CEP104: variants seen among roughly 807,000 people sequenced by gnomAD.
CEP104 encodes centrosomal protein 104.
Under a neutral mutation model 113.3 loss-of-function variants are expected in CEP104, and 84 were observed. The ratio of observed to expected loss-of-function variants is 0.74; its 90% confidence interval spans 0.62 to 0.89. The LOEUF is 0.89. Among genes scored for constraint, CEP104 ranks in the 40% least tolerant of loss-of-function variants. CEP104 has a pLI of 0.00. For synonymous variants in CEP104, 378 were observed against 421.7 expected, an observed-to-expected ratio of 0.90 and a Z score of 1.27; for missense variants, 1,053 against 1,156.6, an observed-to-expected ratio of 0.91 and a Z score of 1.30.
chr1:3,847,139 A>G (rs957332365), intron 4 of CEP104, among the ~76,000 whole-genome samples: 10 of 152,262 alleles, frequency 6.6e-5, no homozygotes, highest in Middle Eastern at 3.2e-3. Flanking sequence ...AGGTTAACAC[A>G]ACATATCCAA....
Position 3,823,649 on chromosome 1 carries a change from C to A in CEP104, c.2365-87G>T. The A allele has an allele frequency of 6.5e-7, 1 of 1,536,034 alleles. No individual in the cohort carries two copies. The highest frequency in any genetic ancestry group is 1.1e-5 in the South Asian group (1 of 87,572). ...CCTGCAGAGCCTGTGAGCGCCTCCCCTGCCCAGGGAGGTCTGTGCCGCCTG... is the reference window on the plus strand; with the variant it reads ...CCTGCAGAGCCTGTGAGCGCCTCCCATGCCCAGGGAGGTCTGTGCCGCCTG... On this transcript the variant is annotated intron_variant, in intron 18 of 21. Transcript: ENST00000378230. This position sits in a 1 kb window ranked among gnomAD's most constrained non-coding sequence, Gnocchi z 4.1.
At chr1:3,832,142 CAT>C (rs555386358) in intron 12 of CEP104, among the ~76,000 whole-genome samples, 79 of 152,358 alleles carry the variant, frequency 5.2e-4, no homozygotes, top group African/African-American at 1.8e-3. Flanking sequence ...GAAGCAATAA[CAT>C]GTGCTCATTT....
In CEP104 at chr1:3,839,087, C is replaced by T; in HGVS notation, c.768G>A (p.Glu256=). 6.2e-7 allele frequency: 1 copy of T among 1,614,038 alleles called. No individual in the cohort carries two copies. Among genetic ancestry groups the T allele is most frequent in the Non-Finnish European group, 8.5e-7 (1 of 1,179,970 alleles). Reference sequence around the variant, plus strand: ...CTTCCTTCTCCACGGCACAGCGTTTCTCTACCTCATACCTCCCAAGGCGTT... The same window carrying T: ...CTTCCTTCTCCACGGCACAGCGTTTTTCTACCTCATACCTCCCAAGGCGTT... The part of the protein sequence containing the change: ...VGERLGRYEV[E]KRCAVEKEDY... The change falls in exon 8 of 22, where the codon GAG becomes GAA. Residue 256 remains glutamate (E), a synonymous_variant. Coordinates refer to ENST00000378230, the MANE Select transcript of CEP104 (RefSeq NM_014704.4).
chr1:3,829,168 A>G (rs994482620), intron 15 of CEP104, 98 bp downstream of exon 15: 2 of 843,464 alleles, frequency 2.4e-6, no homozygotes, highest in Non-Finnish European at 3.6e-6. Context: ...GCTCATTTGC[A>G]TAATCCCATG....
At position 3,814,429 on chromosome 1, in the gene CEP104, A is replaced by G. The variant is rs1450454673; in HGVS notation, c.*973T>C. 1 of 152,266 alleles carries G rather than the reference A, an allele frequency of 6.6e-6. No individual in the cohort carries two copies. The highest frequency in any genetic ancestry group is 1.5e-5 in the Non-Finnish European group (1 of 68,060). The allele number at this position is 152,266 out of a possible 1,614,324, so 9.4% of individuals were successfully genotyped here. ...TTTCATCATTTTAAGCAATGTGTTG[A>G]TGTTTTAAACATCCTATCAACTCTT... On this transcript the variant is annotated 3_prime_UTR_variant, in exon 22 of 22. Coordinates refer to ENST00000378230, the MANE Select transcript of CEP104 (RefSeq NM_014704.4).
At chr1:3,820,471 C>T (rs958054909) in intron 20 of CEP104, among the ~76,000 whole-genome samples, 2 of 152,138 alleles carry the variant, frequency 1.3e-5, no homozygotes, top group South Asian at 2.1e-4. Flanking sequence ...TGGAGGAAGG[C>T]GGATGGAAGC....
At chr1:3,833,656 G>T in intron 12 of CEP104, 1 of 431,970 alleles carries the variant, frequency 2.3e-6, no homozygotes, top group Non-Finnish European at 4.1e-6. Context: ...AAAAAACATT[G>T]GAAAAACCCA....
chr1:3,836,767 C>T (rs906150281), intron 9 of CEP104, 75 bp from the exon 10 acceptor site: 134 of 1,318,682 alleles, frequency 1.0e-4, no homozygotes, highest in Non-Finnish European at 1.3e-4. Context: ...CTCTCACTGG[C>T]AGGCTTACTG....
chr1:3,841,903 G>A (rs1186468757), intron 6 of CEP104, among the ~76,000 whole-genome samples: 4 of 152,346 alleles, frequency 2.6e-5, no homozygotes, highest in East Asian at 1.9e-4. Context: ...GCTTCAGTAA[G>A]GGCAGAGCCC....
chr1:3,845,610 T>A (rs947893572), intron 4 of CEP104, among the ~76,000 whole-genome samples: 1 of 152,170 alleles, frequency 6.6e-6, no homozygotes. Flanking sequence ...TTTCACCATG[T>A]TGCCCAGGCT....
intron 21 of CEP104, 38 bp downstream of exon 21, chr1:3,816,242 G>C: frequency 1.3e-6 from 2 of 1,503,670 alleles, no homozygotes; most frequent in Non-Finnish European, 1.8e-6. Context: ...AAAATGGAGG[G>C]ATGCAGACTA....
chr1:3,854,869 A>AAT (rs1644683826), intron 1 of CEP104, among the ~76,000 whole-genome samples: 1 of 65,474 alleles, frequency 1.5e-5, no homozygotes, highest in African/African-American at 5.9e-5. Flanking sequence ...CCAGTCTCCA[A>AAT]ATTTTTTTTT....
At chr1:3,822,616 C>T (rs775761250) in intron 20 of CEP104, among the ~76,000 whole-genome samples, 10 of 152,160 alleles carry the variant, frequency 6.6e-5, no homozygotes, top group Non-Finnish European at 8.8e-5. Context: ...GAGCCTTGCA[C>T]GCCCATGTCC....
rs1249801392 is a variant in CEP104, at chr1:3,847,549, C to T, written c.352G>A (p.Val118Met). 1.2e-6 allele frequency: 2 copies of T among 1,613,686 alleles called. No homozygotes were observed. The highest frequency in any genetic ancestry group is 2.2e-5 in the East Asian group (1 of 44,888). ...TTAAGAAATTGTCCTACTGCATCCA[C>T]ATAAACTGATTTTAGTTCCCGGGCT... ...CKARELKSVY[V>M]DAVGQFLKLI... Residue 118 changes from valine to methionine, a missense_variant, in exon 4 of 22, where the codon GTG becomes ATG. Val to Met is a conservative substitution (Grantham distance 21, BLOSUM62 1). Transcript: ENST00000378230.
At chr1:3,833,129 C>G (rs187614172) in intron 12 of CEP104, among the ~76,000 whole-genome samples, 1 of 151,912 alleles carries the variant, frequency 6.6e-6, no homozygotes, top group Non-Finnish European at 1.5e-5. Flanking sequence ...GACAGGCACG[C>G]ACCACCACAC....
Position 3,839,704 on chromosome 1 carries a change from G to T in CEP104, c.639C>A (p.Ile213=). 1 of 1,613,988 alleles carries T rather than the reference G, an allele frequency of 6.2e-7. No homozygotes were observed. The highest frequency in any genetic ancestry group is 1.1e-5 in the South Asian group (1 of 91,066). ...GTTTTCTTTCATCTAATTTTCGTAT[G>T]ATCTGTGCAACTTCTGGATCTTGGT... The part of the protein sequence containing the change: ...DMYQDPEVAQ[I]IRKLDERKRE... Residue 213 remains isoleucine (I), a synonymous_variant, in exon 7 of 22, where the codon ATC becomes ATA. Transcript: ENST00000378230.
At chr1:3,848,896 A>C in intron 2 of CEP104, 115 bp from the exon 3 acceptor site, 1 of 754,354 alleles carries the variant, frequency 1.3e-6, no homozygotes, top group East Asian at 2.6e-5. Context: ...TTTGAACAGA[A>C]CAGTCTGTAG....
intron 6 of CEP104, among the ~76,000 whole-genome samples, chr1:3,841,286 C>A (rs549303966): frequency 7.1e-4 from 108 of 152,184 alleles, no homozygotes; most frequent in South Asian, 4.1e-3. Flanking sequence ...CACTCACAGC[C>A]CCCCTCTGGC....
Position 3,832,710 on chromosome 1 carries a change from T to C in CEP104, c.1659+1152A>G, listed in dbSNP as rs77309850. Among the ~76,000 whole-genome samples, 908 of 152,318 alleles carry C rather than the reference T, an allele frequency of 6.0e-3. 9 individuals are homozygous for C. The highest frequency in any genetic ancestry group is 0.02 in the African/African-American group (846 of 41,562). On this transcript the variant is annotated intron_variant, in intron 12 of 21. Coordinates refer to ENST00000378230, the MANE Select transcript of CEP104 (RefSeq NM_014704.4). ...CTTTGGATTCTTCTTTTTGAGACAC[T>C]GTCTTTCTCTGTCACCCAGGCTAGA... is the stretch of plus-strand genomic sequence containing the variant.
Sources: gnomAD v4.1 joint callset for allele counts (sites outside exome capture counted in the v4.1 genomes callset) on GRCh38, gnomAD v4.1.1 for gene constraint, Gnocchi (gnomAD v3.1) non-coding constraint, MANE v1.5 for transcripts, NCBI Gene and HGNC (gene_info 2026-07-23, HGNC 2026-07-21) for gene names.